Variants in WNT8B observed in about 807,000 individuals in gnomAD.
The protein encoded by WNT8B is Wnt family member 8B, also known as protein Wnt-8b.
WNT8B carries 24 observed loss-of-function variants against 36.6 expected under a neutral mutation model. That is an observed-to-expected ratio of 0.66 (90% confidence interval 0.48 to 0.92). The LOEUF (loss-of-function observed/expected upper bound fraction) is 0.92. Ranked by LOEUF, WNT8B falls within the 40% of genes least tolerant of loss-of-function variation. WNT8B has a pLI of 0.00. For missense variants in WNT8B, 402 were observed against 470.8 expected (o/e 0.85, Z 1.35); for synonymous variants, 199 against 189.8 (o/e 1.05, Z -0.40).
At chr10:100,467,272 C>T (rs1850917066) in intron 1 of WNT8B, among the ~76,000 whole-genome samples, 1 of 152,118 alleles carries the variant, frequency 6.6e-6, no homozygotes, top group Non-Finnish European at 1.5e-5. Context: ...AAAATCAGAT[C>T]ATAAGGGGAT....
intron 1 of WNT8B, among the ~76,000 whole-genome samples, chr10:100,467,811 C>A (rs763508253): frequency 1.7e-4 from 26 of 152,280 alleles, no homozygotes; most frequent in Non-Finnish European, 2.5e-4. Context: ...ATATAACAAA[C>A]CCCAATAACT....
chr10:100,480,090 C>A, intron 3 of WNT8B, 78 bp downstream of exon 3: 1 of 1,519,636 alleles, frequency 6.6e-7, no homozygotes. Flanking sequence ...CTTGCCTCCT[C>A]GACACCCTTA....
Position 100,482,399 on chromosome 10 carries a change from C to T in WNT8B, c.639C>T (p.His213=), listed in dbSNP as rs2133659807. Reference sequence around the variant, plus strand: ...GCGCGCACCTGAAGGAGAAGTACCACGCAGCACTCAAGGTGGACCTGCTGC... The same window carrying T: ...GCGCGCACCTGAAGGAGAAGTACCATGCAGCACTCAAGGTGGACCTGCTGC... The part of the protein sequence containing the change: ...EVGAHLKEKY[H]AALKVDLLQG... The change falls in exon 6 of 6, where the codon CAC becomes CAT. Residue 213 remains histidine, a synonymous_variant. Coordinates refer to ENST00000343737, the MANE Select transcript of WNT8B (RefSeq NM_003393.4). This position sits in a 1 kb window ranked among gnomAD's most constrained non-coding sequence, Gnocchi z 6.6. The T allele has an allele frequency of 6.2e-7, 1 of 1,607,200 alleles. No individual in the cohort carries two copies. The highest frequency in any genetic ancestry group is 2.2e-5 in the East Asian group (1 of 44,878).
Position 100,482,897 on chromosome 10 carries a change from G to A in WNT8B, c.*81G>A. 7.2e-7 allele frequency: 1 copy of A among 1,391,200 alleles called. No homozygotes were observed. Among genetic ancestry groups the A allele is most frequent in the Non-Finnish European group, 9.5e-7 (1 of 1,055,278 alleles). 86.2% of individuals were successfully genotyped at this position (1,391,200 alleles called of 1,614,324 possible). A position where few individuals can be genotyped will look rare whatever the true frequency, so the allele number is the denominator to read the frequency against. On this transcript the variant is annotated 3_prime_UTR_variant, in exon 6 of 6. Coordinates refer to ENST00000343737, the MANE Select transcript of WNT8B (RefSeq NM_003393.4). The surrounding 1 kb of genome is among the most constrained non-coding windows in gnomAD (Gnocchi z 6.6). ...CGGTAATTGTGGAACCTAGGGAATG[G>A]GGAACCCGCTCTCCCAGACCTAGGG... is the stretch of plus-strand genomic sequence containing the variant.
In WNT8B at chr10:100,482,862, T is replaced by TTA; in HGVS notation, c.*47_*48dup. 6.9e-7 allele frequency: 1 copy of TTA among 1,443,754 alleles called. No individual in the cohort carries two copies. The highest frequency in any genetic ancestry group is 1.5e-5 in the South Asian group (1 of 66,488). The allele number at this position is 1,443,754 out of a possible 1,614,324, so 89.4% of individuals were successfully genotyped here. A position where few individuals can be genotyped will look rare whatever the true frequency, so the allele number is the denominator to read the frequency against. On this transcript the variant is annotated 3_prime_UTR_variant, in exon 6 of 6. Transcript: ENST00000343737. This position sits in a 1 kb window ranked among gnomAD's most constrained non-coding sequence, Gnocchi z 6.6. The stretch of plus-strand genomic sequence containing the variant: ...TTTTCCCACTGGTTCTTGGCTTCCT[T>TTA]TAGAGACCCCGGTAATTGTGGAACC...
rs1428736297 is a variant in WNT8B at position 100,479,955 on chromosome 10, C to G, written c.184C>G (p.Arg62Gly). ...ATGCAAGTATCAGTTTGCCTGGGAC[C>G]GCTGGAACTGCCCTGAGAGAGCCCT... ...EECKYQFAWD[R>G]WNCPERALQL... Residue 62 changes from arginine to glycine, a missense_variant, in exon 3 of 6, where the codon CGC (arginine) becomes GGC (glycine). By Grantham distance (125) the Arg-to-Gly change is moderately radical. Coordinates refer to ENST00000343737, the MANE Select transcript of WNT8B (RefSeq NM_003393.4). 6.2e-7 allele frequency: 1 copy of G among 1,613,930 alleles called. No individual in the cohort carries two copies. The highest frequency in any genetic ancestry group is 8.5e-7 in the Non-Finnish European group (1 of 1,179,924).
At chr10:100,467,527 C>T (rs1200844955) in intron 1 of WNT8B, among the ~76,000 whole-genome samples, 1 of 152,184 alleles carries the variant, frequency 6.6e-6, no homozygotes, top group Non-Finnish European at 1.5e-5. Flanking sequence ...TTCAAAACTG[C>T]AATTACCATT....
At chr10:100,469,990 A>G (rs1850955896) in intron 1 of WNT8B, among the ~76,000 whole-genome samples, 1 of 152,148 alleles carries the variant, frequency 6.6e-6, no homozygotes, top group South Asian at 2.1e-4. Flanking sequence ...CCTTTGTCCT[A>G]TATGCCTTCT....
chr10:100,468,301 T>C (rs942556041), intron 1 of WNT8B, among the ~76,000 whole-genome samples: 2 of 152,212 alleles, frequency 1.3e-5, no homozygotes, highest in Non-Finnish European at 2.9e-5. Flanking sequence ...ATTCTTGGAG[T>C]TACCATGTAC....
chr10:100,468,236 C>A (rs538208535), intron 1 of WNT8B, among the ~76,000 whole-genome samples: 1 of 152,154 alleles, frequency 6.6e-6, no homozygotes, highest in Non-Finnish European at 1.5e-5. Flanking sequence ...ACTAAAGTGC[C>A]AAAGCCTGTC....
rs1458387295 is a variant in WNT8B at position 100,483,362 on chromosome 10, C to T, written c.*546C>T. 2 of 152,242 alleles carry T rather than the reference C, an allele frequency of 1.3e-5. No homozygotes were observed. Among genetic ancestry groups the T allele is most frequent in the East Asian group, 1.9e-4 (1 of 5,200 alleles). The allele number at this position is 152,242 out of a possible 1,614,324, so 9.4% of individuals were successfully genotyped here. A position where few individuals can be genotyped will look rare whatever the true frequency, so the allele number is the denominator to read the frequency against. The stretch of plus-strand genomic sequence containing the variant: ...CCAGAAAAACTGAGGAAACTGGCCC[C>T]GGAAAAGCATGTCTTTGGGGTTGGT... On this transcript the variant is annotated 3_prime_UTR_variant, in exon 6 of 6. Coordinates refer to ENST00000343737, the MANE Select transcript of WNT8B (RefSeq NM_003393.4).
chr10:100,463,747 T>C (rs1411061464), intron 1 of WNT8B, among the ~76,000 whole-genome samples: 1 of 152,202 alleles, frequency 6.6e-6, no homozygotes, highest in African/African-American at 2.4e-5. Context: ...TAAGCAGGCA[T>C]TGGGTTAACA....
intron 1 of WNT8B, among the ~76,000 whole-genome samples, chr10:100,468,450 C>T (rs183374332): frequency 5.3e-5 from 8 of 152,302 alleles, no homozygotes; most frequent in Non-Finnish European, 8.8e-5. Context: ...GCCTCCATAA[C>T]GACTGTGGAA....
chr10:100,475,305 C>T lies in WNT8B; in HGVS notation c.69-3747C>T, dbSNP rs925820633. Among the ~76,000 whole-genome samples the T allele has an allele frequency of 2.6e-5, 4 of 152,138 alleles. 1 individual carries two copies. Among genetic ancestry groups the T allele is most frequent in the Non-Finnish European group, 5.9e-5 (4 of 68,022 alleles). ...TGGAGTCTGCAGTGAGCCGACATCA[C>T]ACCACTGTACTCAAGCCTGAGCAAG... On this transcript the variant is annotated intron_variant, in intron 1 of 5. Transcript: ENST00000343737.
At chr10:100,479,001 A>G (rs780225271) in intron 1 of WNT8B, 51 bp from the exon 2 acceptor site, 1 of 1,492,116 alleles carries the variant, frequency 6.7e-7, no homozygotes. Context: ...AGCAGAAACA[A>G]GTTGGTGTCT....
intron 2 of WNT8B, 38 bp downstream of exon 2, chr10:100,479,123 A>T (rs369672752): frequency 2.1e-5 from 33 of 1,559,028 alleles, no homozygotes; most frequent in Non-Finnish European, 2.9e-5. Context: ...GGATTTCACT[A>T]ATCTTAGCCT....
intron 1 of WNT8B, among the ~76,000 whole-genome samples, chr10:100,464,920 T>C (rs1470201409): frequency 1.3e-5 from 2 of 152,242 alleles, no homozygotes; most frequent in South Asian, 2.1e-4. Context: ...ATTATGCTTC[T>C]AATGAAACTA....
At chr10:100,480,104 C>T in intron 3 of WNT8B, 92 bp downstream of exon 3, 4 of 1,419,068 alleles carry the variant, frequency 2.8e-6, no homozygotes, top group Non-Finnish European at 3.8e-6. Context: ...ACCCTTATTC[C>T]TCACCTGCTC....
At chr10:100,468,690 T>C (rs147515227) in intron 1 of WNT8B, among the ~76,000 whole-genome samples, 2 of 152,248 alleles carry the variant, frequency 1.3e-5, no homozygotes, top group African/African-American at 4.8e-5. Flanking sequence ...CCTATCACTC[T>C]ATAAAATATC....
Sources: gnomAD v4.1 joint callset for allele counts (sites outside exome capture counted in the v4.1 genomes callset) on GRCh38, gnomAD v4.1.1 for gene constraint, Gnocchi (gnomAD v3.1) non-coding constraint, MANE v1.5 for transcripts, NCBI Gene and HGNC (gene_info 2026-07-23, HGNC 2026-07-21) for gene names.